The following HECW1 variants were observed in gnomAD, a reference collection of about 807,000 sequenced individuals.
HECW1 encodes HECT, C2 and WW domain containing E3 ubiquitin protein ligase 1.
Under a neutral mutation model 182.3 loss-of-function variants are expected in HECW1, and 61 were observed. That is an observed-to-expected ratio of 0.33 (90% CI 0.27 to 0.41). The LOEUF (loss-of-function observed/expected upper bound fraction) is 0.41. HECW1 is among the 10% of genes least tolerant of loss of function. The probability of loss-of-function intolerance (pLI) is 1.00; values close to 1 mark genes in which losing one functional copy is unlikely to be tolerated. For missense variants in HECW1, 1,739 were observed against 2,108.9 expected, an observed-to-expected ratio of 0.82 and a Z score of 3.44; for synonymous variants, 859 against 832.6, an observed-to-expected ratio of 1.03 and a Z score of -0.55.
intron 3 of HECW1, among the ~76,000 whole-genome samples, chr7:43,246,717 A>C (rs986574432): frequency 3.9e-5 from 6 of 152,380 alleles, no homozygotes; most frequent in Middle Eastern, 3.4e-3. Context: ...GAGAAAAAAC[A>C]AAACATGCAT....
At chr7:43,170,180 G>A (rs1349058098) in intron 2 of HECW1, among the ~76,000 whole-genome samples, 1 of 152,196 alleles carries the variant, frequency 6.6e-6, no homozygotes, top group Non-Finnish European at 1.5e-5. Flanking sequence ...GACTGCACAT[G>A]CAAGGGATCT....
chr7:43,198,411 ACT>A (rs1387657071), intron 2 of HECW1, among the ~76,000 whole-genome samples: 2 of 139,824 alleles, frequency 1.4e-5, no homozygotes, highest in South Asian at 2.3e-4. Flanking sequence ...ACACACCCAT[ACT>A]CTCTTACACT....
At chr7:43,276,473 T>C (rs903530281) in intron 3 of HECW1, among the ~76,000 whole-genome samples, 1 of 152,096 alleles carries the variant, frequency 6.6e-6, no homozygotes, top group Non-Finnish European at 1.5e-5. Context: ...AATAAGATAC[T>C]GGTCAAAATA....
intron 7 of HECW1, among the ~76,000 whole-genome samples, chr7:43,398,959 G>A (rs987452278): frequency 6.6e-6 from 1 of 152,222 alleles, no homozygotes; most frequent in Non-Finnish European, 1.5e-5. Context: ...TTAGCCACCT[G>A]GGTGGTGCCA....
At chr7:43,125,280 C>G (rs1380186970) in intron 2 of HECW1, among the ~76,000 whole-genome samples, 1 of 152,102 alleles carries the variant, frequency 6.6e-6, no homozygotes, top group African/African-American at 2.4e-5. Context: ...CATTCAGTCT[C>G]TAACAGAGGA....
intron 28 of HECW1, among the ~76,000 whole-genome samples, chr7:43,553,800 C>G (rs879659216): frequency 2.6e-5 from 4 of 152,092 alleles, no homozygotes; most frequent in Non-Finnish European, 5.9e-5. Context: ...ATTTCCTCCT[C>G]TTTCTTGTTA....
intron 2 of HECW1, among the ~76,000 whole-genome samples, chr7:43,175,200 G>A (rs1480192684): frequency 1.3e-5 from 2 of 151,124 alleles, no homozygotes; most frequent in African/African-American, 2.4e-5. Context: ...ACACACACAC[G>A]CAGTGATGTG....
At chr7:43,427,966 C>A (rs1375112620) in intron 8 of HECW1, among the ~76,000 whole-genome samples, 1 of 152,208 alleles carries the variant, frequency 6.6e-6, no homozygotes, top group African/African-American at 2.4e-5. Flanking sequence ...TCCCCTTCGA[C>A]TGATTAATTC....
chr7:43,120,611 A>G (rs888333691), intron 2 of HECW1, among the ~76,000 whole-genome samples: 1 of 151,810 alleles, frequency 6.6e-6, no homozygotes, highest in Non-Finnish European at 1.5e-5. Flanking sequence ...CTATGTCCAC[A>G]TTATATTGGA....
chr7:43,321,558 A>G (rs1432702556), intron 5 of HECW1, among the ~76,000 whole-genome samples: 2 of 152,154 alleles, frequency 1.3e-5, no homozygotes, highest in African/African-American at 2.4e-5. Context: ...CCACTTGGGT[A>G]TGGAGTGATT....
At chr7:43,287,479 A>T (rs906487441) in intron 3 of HECW1, among the ~76,000 whole-genome samples, 2 of 151,792 alleles carry the variant, frequency 1.3e-5, no homozygotes, top group East Asian at 1.9e-4. Flanking sequence ...GGCAGAGGGG[A>T]TGTGATCTGA....
intron 8 of HECW1, among the ~76,000 whole-genome samples, chr7:43,430,072 C>T (rs944003223): frequency 3.3e-5 from 5 of 152,236 alleles, no homozygotes; most frequent in Admixed American, 6.5e-5. Flanking sequence ...CCATCCTTAA[C>T]CTTTTCTGAA....
At chr7:43,469,212 A>G in intron 16 of HECW1, 107 bp downstream of exon 16, 8 of 1,218,774 alleles carry the variant, frequency 6.6e-6, no homozygotes, top group Non-Finnish European at 8.2e-6. Flanking sequence ...TGTCTGAGAG[A>G]TGTGCTATCG....
At chr7:43,139,739 T>C (rs989651463) in intron 2 of HECW1, among the ~76,000 whole-genome samples, 6 of 152,240 alleles carry the variant, frequency 3.9e-5, no homozygotes, top group Admixed American at 3.9e-4. Flanking sequence ...TTTACTTTCT[T>C]AATCCAAGTT....
chr7:43,203,286 A>C (rs188364479), intron 2 of HECW1, among the ~76,000 whole-genome samples: 1 of 152,308 alleles, frequency 6.6e-6, no homozygotes, highest in Admixed American at 6.5e-5. Flanking sequence ...TCCCTAACTT[A>C]TTGAGATAGT....
intron 8 of HECW1, among the ~76,000 whole-genome samples, chr7:43,419,639 CTT>C (rs920390383): frequency 3.3e-5 from 5 of 152,088 alleles, no homozygotes; most frequent in African/African-American, 4.8e-5. Context: ...CATAAAAAGA[CTT>C]TGATAAAATT....
At chr7:43,445,859 G>A (rs2077038720) in intron 11 of HECW1, among the ~76,000 whole-genome samples, 1 of 152,180 alleles carries the variant, frequency 6.6e-6, no homozygotes. Flanking sequence ...CTAATCACCA[G>A]AACTGGTTAG....
intron 2 of HECW1, chr7:43,148,721 T>TC (rs1788978197): frequency 6.6e-6 from 1 of 151,876 alleles, no homozygotes; most frequent in Non-Finnish European, 1.5e-5. Flanking sequence ...GCTGCTAACT[T>TC]CAAGTTTACA....
Position 43,295,925 on chromosome 7 carries a change from T to C in HECW1, c.28-15838T>C, listed in dbSNP as rs146671439. The stretch of plus-strand genomic sequence containing the variant: ...ATCATTTTTTAAAAACTCAAATCTA[T>C]AGACAAATTGCTGCTTTTGACTTAG... On this transcript the variant is annotated intron_variant, in intron 3 of 29. Coordinates refer to ENST00000395891, the MANE Select transcript of HECW1 (RefSeq NM_015052.5). Among the ~76,000 whole-genome samples, 86 of 152,332 alleles carry C rather than the reference T, an allele frequency of 5.6e-4. 1 individual carries two copies. In the East Asian group the frequency reaches 0.014, roughly 25 times the overall value.
Sources: allele counts gnomAD v4.1 joint callset (sites outside exome capture counted in the v4.1 genomes callset), GRCh38; gene constraint gnomAD v4.1.1; transcripts MANE v1.5; gene names NCBI Gene and HGNC (gene_info 2026-07-23, HGNC 2026-07-21).